Variants in PFKFB4 observed in about 807,000 individuals in gnomAD.
PFKFB4 encodes 6-phosphofructo-2-kinase/fructose-2,6-bisphosphatase 4.
In PFKFB4, 42 loss-of-function variants were observed where a neutral mutation model predicts 62.8. The ratio of observed to expected loss-of-function variants is 0.67; its 90% CI spans 0.52 to 0.86. The LOEUF (loss-of-function observed/expected upper bound fraction) is 0.86, where lower values mean the gene tolerates loss of function less well. Among genes scored for constraint, PFKFB4 ranks in the 40% least tolerant of loss-of-function variants. The pLI is 0.00. For missense variants in PFKFB4, 475 were observed against 627.2 expected (o/e 0.76, Z 2.59); for synonymous variants, 204 against 240.7 (o/e 0.85, Z 1.41).
At chr3:48,562,898 A>AT, upstream of PFKFB4, 1 of 1,605,236 alleles carries the variant, frequency 6.2e-7, no homozygotes, top group East Asian at 2.2e-5. The surrounding 1 kb of genome is among the most constrained non-coding windows in gnomAD (Gnocchi z 4.3). Context: ...GGGGACATCC[A>AT]GCGATAGGAC....
rs1476200068 is a variant in PFKFB4 at position 48,519,025 on chromosome 3, A to G, written c.*722T>C. 2.0e-5 allele frequency: 3 copies of G among 152,296 alleles called. No homozygotes were observed. Among genetic ancestry groups the G allele is most frequent in the Non-Finnish European group, 4.4e-5 (3 of 68,084 alleles). The allele number at this position is 152,296 out of a possible 1,614,324, so 9.4% of individuals were successfully genotyped here. On this transcript the variant is annotated 3_prime_UTR_variant, in exon 14 of 14. Coordinates refer to ENST00000232375, the MANE Select transcript of PFKFB4 (RefSeq NM_004567.4). The stretch of plus-strand genomic sequence containing the variant: ...CCAGCTCCCCTAAGCATACCTAAGT[A>G]GCCGGGTACATGCACAACTGGGGAG...
intron 12 of PFKFB4, 91 bp from the exon 13 acceptor site, chr3:48,522,141 G>T: frequency 1.8e-6 from 2 of 1,132,274 alleles, no homozygotes; most frequent in Middle Eastern, 2.0e-4. Context: ...GGGTCTGGGC[G>T]TGTGGAATGG....
chr3:48,539,307 A>G lies in PFKFB4; in HGVS notation c.457T>C (p.Phe153Leu), dbSNP rs891790511. 4 of 1,611,330 alleles carry G rather than the reference A, an allele frequency of 2.5e-6. No homozygotes were observed. In the African/African-American group the frequency reaches 4.0e-5, roughly 16 times the overall value. Residue 153 changes from phenylalanine to leucine, a missense_variant, in exon 6 of 14, where the codon TTT becomes CTT. Phe to Leu is a conservative substitution (Grantham distance 22, BLOSUM62 0). Transcript: ENST00000232375. ...TCCACACAGATGGACTCGACAAAAAAGGTCTGCGGCAGGACCAGAAGCGCC... is the reference window on the plus strand; with the variant it reads ...TCCACACAGATGGACTCGACAAAAAGGGTCTGCGGCAGGACCAGAAGCGCC... The part of the protein sequence containing the change: ...NFGEQNGYKT[F>L]FVESICVDPE...
intron 9 of PFKFB4, among the ~76,000 whole-genome samples, chr3:48,531,450 T>C (rs2107500676): frequency 6.6e-6 from 1 of 150,866 alleles, no homozygotes; most frequent in African/African-American, 2.4e-5. Context: ...TTTTTTTTTT[T>C]TAATTTTGAG....
intron 9 of PFKFB4, among the ~76,000 whole-genome samples, chr3:48,530,184 T>C (rs1387800740): frequency 6.6e-6 from 1 of 151,176 alleles, no homozygotes; most frequent in Non-Finnish European, 1.5e-5. Flanking sequence ...ACCCGGGAGG[T>C]AGAGGTTACA....
chr3:48,519,337 A>G lies in PFKFB4; in HGVS notation c.*410T>C, dbSNP rs1418253906. 1.2e-5 allele frequency: 2 copies of G among 162,708 alleles called. No individual in the cohort carries two copies. The highest frequency in any genetic ancestry group is 2.7e-5 in the Non-Finnish European group (2 of 74,528). 10.1% of individuals were successfully genotyped at this position (162,708 alleles called of 1,614,324 possible). A position where few individuals can be genotyped will look rare whatever the true frequency, so the allele number is the denominator to read the frequency against. ...AGAGGATGGTAGAGGCCCTGTGGAGAGTCACCAGGTCCATGCTGGGCAGCT... is the reference window on the plus strand; with the variant it reads ...AGAGGATGGTAGAGGCCCTGTGGAGGGTCACCAGGTCCATGCTGGGCAGCT... On this transcript the variant is annotated 3_prime_UTR_variant, in exon 14 of 14. Coordinates refer to ENST00000232375, the MANE Select transcript of PFKFB4 (RefSeq NM_004567.4).
chr3:48,533,496 C>T (rs2042493423), intron 9 of PFKFB4, among the ~76,000 whole-genome samples: 1 of 152,050 alleles, frequency 6.6e-6, no homozygotes, highest in Non-Finnish European at 1.5e-5. Context: ...TAATAAAGAC[C>T]AAGCCATGAT....
chr3:48,539,572 C>T (rs936134683), intron 5 of PFKFB4, 125 bp downstream of exon 5: 1 of 882,874 alleles, frequency 1.1e-6, no homozygotes, highest in Non-Finnish European at 1.8e-6. Flanking sequence ...CCCTCTCATC[C>T]CAAATTACAC....
upstream of PFKFB4, chr3:48,562,656 C>T: frequency 1.1e-6 from 1 of 893,434 alleles, no homozygotes; most frequent in Non-Finnish European, 1.7e-6. This position sits in a 1 kb window ranked among gnomAD's most constrained non-coding sequence, Gnocchi z 4.3. Flanking sequence ...TGTCCAGACA[C>T]TGTATGCCCA....
chr3:48,538,483 G>A lies in PFKFB4; in HGVS notation c.632+15C>T, dbSNP rs1275332784. 20 of 1,612,988 alleles carry A rather than the reference G, an allele frequency of 1.2e-5. No homozygotes were observed. In the East Asian group the frequency reaches 2.5e-4, roughly 20 times the overall value. On this transcript the variant is annotated intron_variant, in intron 7 of 13. Coordinates refer to ENST00000232375, the MANE Select transcript of PFKFB4 (RefSeq NM_004567.4). Reference sequence around the variant, plus strand: ...CACCATCACAGCTGCAGGGCCTGGCGCTGCCCTGACTCACCTATCCAGGTC... The same window carrying A: ...CACCATCACAGCTGCAGGGCCTGGCACTGCCCTGACTCACCTATCCAGGTC...
chr3:48,538,496 A>G lies in PFKFB4; in HGVS notation c.632+2T>C. On this transcript the variant is annotated splice_donor_variant, in intron 7 of 13. Coordinates refer to ENST00000232375, the MANE Select transcript of PFKFB4 (RefSeq NM_004567.4). LOFTEE classifies it high-confidence loss of function. ...GCAGGGCCTGGCGCTGCCCTGACTC[A>G]CCTATCCAGGTCCTCATCTAGCGAC... 1 of 1,613,790 alleles carries G rather than the reference A, an allele frequency of 6.2e-7. No individual in the cohort carries two copies. Among genetic ancestry groups the G allele is most frequent in the Non-Finnish European group, 8.5e-7 (1 of 1,179,962 alleles).
chr3:48,541,843 G>A (rs186827078), intron 4 of PFKFB4, among the ~76,000 whole-genome samples: 50 of 152,240 alleles, frequency 3.3e-4, no homozygotes, highest in African/African-American at 1.1e-3. Flanking sequence ...GCACGTGCCT[G>A]TAGTCCCAGC....
At chr3:48,559,788 C>T (rs2043403708), upstream of PFKFB4, 1 of 352,140 alleles carries the variant, frequency 2.8e-6, no homozygotes, top group African/African-American at 2.1e-5. Context: ...ACTGGACTTC[C>T]TCCCAGTGTC....
chr3:48,523,090 G>T (rs2042147949), intron 12 of PFKFB4, among the ~76,000 whole-genome samples: 1 of 151,180 alleles, frequency 6.6e-6, no homozygotes, highest in Non-Finnish European at 1.5e-5. Flanking sequence ...AGCAAATTAG[G>T]GCCGCAGATG....
chr3:48,559,445 A>G, upstream of PFKFB4: 1 of 452,298 alleles, frequency 2.2e-6, no homozygotes, highest in Non-Finnish European at 4.5e-6. Flanking sequence ...ACTCAGCTCA[A>G]CTCCCAGCCT....
intron 3 of PFKFB4, 86 bp downstream of exon 3, chr3:48,549,778 C>T: frequency 1.2e-6 from 1 of 854,472 alleles, no homozygotes; most frequent in Middle Eastern, 2.2e-4. Context: ...CCAGGGGCTT[C>T]TCAGTAAATG....
rs1395099040 is a variant in PFKFB4 at position 48,518,977 on chromosome 3, GC to G, written c.*769del. The G allele has an allele frequency of 2.0e-5, 3 of 152,262 alleles. No individual in the cohort carries two copies. The highest frequency in any genetic ancestry group is 7.2e-5 in the African/African-American group (3 of 41,450). The allele number at this position is 152,262 out of a possible 1,614,324, so 9.4% of individuals were successfully genotyped here. A position where few individuals can be genotyped will look rare whatever the true frequency, so the allele number is the denominator to read the frequency against. ...TGAAGTGGTTTCACTGTGAGAGCAG[GC>G]CTGAAGGGGCACCCCTGGCCACCAG... On this transcript the variant is annotated 3_prime_UTR_variant, in exon 14 of 14. Coordinates refer to ENST00000232375, the MANE Select transcript of PFKFB4 (RefSeq NM_004567.4).
chr3:48,523,037 A>G (rs1292206716), intron 12 of PFKFB4, among the ~76,000 whole-genome samples: 6 of 149,788 alleles, frequency 4.0e-5, no homozygotes, highest in Admixed American at 1.3e-4. Flanking sequence ...CTGGGATTAC[A>G]GGCATGAGCC....
intron 1 of PFKFB4, among the ~76,000 whole-genome samples, chr3:48,550,678 A>G (rs933775705): frequency 3.3e-5 from 5 of 152,136 alleles, no homozygotes; most frequent in Non-Finnish European, 7.4e-5. Context: ...GTGCTCCCAG[A>G]ACACATAGCC....
Sources: allele counts gnomAD v4.1 joint callset (sites outside exome capture counted in the v4.1 genomes callset), GRCh38; gene constraint gnomAD v4.1.1; non-coding constraint Gnocchi (gnomAD v3.1); transcripts MANE v1.5; gene names NCBI Gene and HGNC (gene_info 2026-07-23, HGNC 2026-07-21).